COMP: variants seen among roughly 807,000 people sequenced by gnomAD.
COMP encodes the protein cartilage oligomeric matrix protein, also known as cartilage oligomeric matrix protein (pseudoachondroplasia, epiphyseal dysplasia 1, multiple).
COMP carries 79 observed loss-of-function variants against 95.8 expected under a neutral mutation model. That is an observed-to-expected ratio of 0.82 (90% CI 0.69 to 0.99). COMP has a LOEUF of 0.99. Ranked by LOEUF, COMP falls within the 50% of genes least tolerant of loss-of-function variation. COMP has a pLI of 0.00. For missense variants in COMP, 906 were observed against 1,076.1 expected (o/e 0.84, Z 2.21); for synonymous variants, 438 against 433.9 (o/e 1.01, Z -0.12).
Position 18,783,106 on chromosome 19 carries a change from G to A in COMP, c.2175C>T (p.Phe725=). The change falls in exon 18 of 19, where the codon TTC becomes TTT. Residue 725 remains phenylalanine, a synonymous_variant. Coordinates refer to ENST00000222271, the MANE Select transcript of COMP (RefSeq NM_000095.3). ...AGATGATGTTCTCCTGGGAGAAGCA[G>A]AAGACCCCCAGGCGGCCACCCCGCA... The part of the protein sequence containing the change: ...TTMRGGRLGV[F]CFSQENIIWA... 6.2e-7 allele frequency: 1 copy of A among 1,611,758 alleles called. No individual in the cohort carries two copies.
intron 11 of COMP, 56 bp from the exon 12 acceptor site, chr19:18,786,347 C>T (rs1032644784): frequency 1.5e-5 from 24 of 1,611,310 alleles, no homozygotes; most frequent in Non-Finnish European, 2.0e-5. Context: ...CAGAAAGCCT[C>T]CCACCCAACC....
rs778825368 is a variant in COMP, at chr19:18,789,248, G to A, written c.440C>T (p.Pro147Leu). ...FPRVRCINTSPGFRCEACPPG... is the reference protein window; with the variant it reads ...FPRVRCINTSLGFRCEACPPG... ...CGGGCAAGCCTCGCAGCGGAACCCC[G>A]GGCTGGTGTTGATACAGCGGACTCG... Residue 147 changes from proline to leucine, a missense_variant, in exon 5 of 19, where the codon CCG (proline) becomes CTG (leucine). Physicochemically the swap from Pro to Leu is moderately conservative, Grantham distance 98 (BLOSUM62 -3). Transcript: ENST00000222271. This position sits in a 1 kb window ranked among gnomAD's most constrained non-coding sequence, Gnocchi z 6.1. 12 of 1,525,562 alleles carry A rather than the reference G, an allele frequency of 7.9e-6. No individual in the cohort carries two copies. Among genetic ancestry groups the A allele is most frequent in the South Asian group, 1.3e-5 (1 of 74,840 alleles). 94.5% of individuals were successfully genotyped at this position (1,525,562 alleles called of 1,614,324 possible). A position where few individuals can be genotyped will look rare whatever the true frequency, so the allele number is the denominator to read the frequency against.
At chr19:18,785,937 C>G in intron 13 of COMP, 28 bp downstream of exon 13, 1 of 1,578,952 alleles carries the variant, frequency 6.3e-7, no homozygotes, top group Non-Finnish European at 8.6e-7. Context: ...TGGCCCCGCC[C>G]CCACCGCAGG....
chr19:18,788,163 A>G lies in COMP; in HGVS notation c.975+49T>C, dbSNP rs1289252652. ...GTGATCCGCCCGCCTCGGCCTCCCA[A>G]AGTGCTGGGATTACAGGAGTGAACC... On this transcript the variant is annotated intron_variant, in intron 9 of 18. Coordinates refer to ENST00000222271, the MANE Select transcript of COMP (RefSeq NM_000095.3). The surrounding 1 kb of genome is among the most constrained non-coding windows in gnomAD (Gnocchi z 4.7). The G allele has an allele frequency of 1.3e-6, 2 of 1,509,002 alleles. No individual in the cohort carries two copies. Among genetic ancestry groups the G allele is most frequent in the Non-Finnish European group, 1.8e-6 (2 of 1,088,366 alleles). 93.5% of individuals were successfully genotyped at this position (1,509,002 alleles called of 1,614,324 possible).
In COMP at chr19:18,784,303, C is replaced by T; in HGVS notation, c.1975G>A (p.Asp659Asn). ...AGCAGCCGCACCTGGGACTCTGTGTCTCCTGTATGCCACAGAGCGTTCCGC... is the reference window on the plus strand; with the variant it reads ...AGCAGCCGCACCTGGGACTCTGTGTTTCCTGTATGCCACAGAGCGTTCCGC... ...QLRNALWHTG[D>N]TESQVRLLWK... is the part of the protein sequence containing the mutation. The change falls in exon 17 of 19, where the codon GAC becomes AAC. Residue 659 changes from aspartate (D) to asparagine (N), a missense_variant. Coordinates refer to ENST00000222271, the MANE Select transcript of COMP (RefSeq NM_000095.3). This position sits in a 1 kb window ranked among gnomAD's most constrained non-coding sequence, Gnocchi z 4.9. 1 of 1,614,142 alleles carries T rather than the reference C, an allele frequency of 6.2e-7. No individual in the cohort carries two copies. The highest frequency in any genetic ancestry group is 8.5e-7 in the Non-Finnish European group (1 of 1,180,040).
chr19:18,783,075 T>G lies in COMP; in HGVS notation c.2206A>C (p.Asn736His). The change falls in exon 18 of 19, where the codon AAC (asparagine) becomes CAC (histidine). Residue 736 changes from asparagine (N) to histidine (H), a missense_variant. Asn to His is a moderately conservative substitution (Grantham distance 68). Coordinates refer to ENST00000222271, the MANE Select transcript of COMP (RefSeq NM_000095.3). The stretch of plus-strand genomic sequence containing the variant: ...TCACCATTGCAGCGGTAACGCAGGT[T>G]GGCCCAGATGATGTTCTCCTGGGAG... ...CFSQENIIWA[N>H]LRYRCNDTIP... The G allele has an allele frequency of 3.7e-6, 6 of 1,612,340 alleles. No homozygotes were observed. The highest frequency in any genetic ancestry group is 5.1e-6 in the Non-Finnish European group (6 of 1,179,984).
At position 18,789,889 on chromosome 19, in the gene COMP, T is replaced by C. The variant is rs888924901; in HGVS notation, c.390+53A>G. On this transcript the variant is annotated intron_variant, in intron 4 of 18. Coordinates refer to ENST00000222271, the MANE Select transcript of COMP (RefSeq NM_000095.3). This position sits in a 1 kb window ranked among gnomAD's most constrained non-coding sequence, Gnocchi z 6.1. ...AGGGGTCTCCCGGGCGGCGAGAGAT[T>C]GGGGGGCGGTAGAGGGAGTCGTCAG... 30 of 1,581,912 alleles carry C rather than the reference T, an allele frequency of 1.9e-5. No individual in the cohort carries two copies. The highest frequency in any genetic ancestry group is 2.5e-5 in the Non-Finnish European group (29 of 1,170,664).
At chr19:18,791,125 GC>G (rs1461885261) in intron 1 of COMP, 65 bp downstream of exon 1, 1 of 1,533,466 alleles carries the variant, frequency 6.5e-7, no homozygotes, top group East Asian at 2.4e-5. Context: ...TGGATCCCGG[GC>G]CTCTCACGGG....
chr19:18,784,844 G>C lies in COMP; in HGVS notation c.1914+52C>G. 1 of 1,593,136 alleles carries C rather than the reference G, an allele frequency of 6.3e-7. No homozygotes were observed. The highest frequency in any genetic ancestry group is 8.6e-7 in the Non-Finnish European group (1 of 1,165,906). On this transcript the variant is annotated intron_variant, in intron 16 of 18. Transcript: ENST00000222271. This position sits in a 1 kb window ranked among gnomAD's most constrained non-coding sequence, Gnocchi z 4.9. Reference sequence around the variant, plus strand: ...AGGGCTGTAAAGGGTTTTACGGAGGGTCATGGGAGGGCATGAGGACCGCAG... The same window carrying C: ...AGGGCTGTAAAGGGTTTTACGGAGGCTCATGGGAGGGCATGAGGACCGCAG...
intron 1 of COMP, 78 bp from the exon 2 acceptor site, chr19:18,791,013 C>G: frequency 6.5e-7 from 1 of 1,535,460 alleles, no homozygotes; most frequent in South Asian, 1.2e-5. Context: ...GCAGCGAACC[C>G]GGACCTCCGA....
chr19:18,786,174 C>T (rs1157925790), intron 12 of COMP, 28 bp from the exon 13 acceptor site: 2 of 1,614,014 alleles, frequency 1.2e-6, no homozygotes, highest in African/African-American at 2.7e-5. Context: ...GATCCAGAGA[C>T]AATGAGCTCT....
chr19:18,790,664 G>T (rs1568557476), intron 2 of COMP, 51 bp from the exon 3 acceptor site: 29 of 1,613,252 alleles, frequency 1.8e-5, no homozygotes, highest in Non-Finnish European at 2.5e-5. Flanking sequence ...CTCATCCCTC[G>T]GGTCTCCCCT....
intron 2 of COMP, 28 bp downstream of exon 2, chr19:18,790,822 C>A: frequency 6.4e-7 from 1 of 1,554,358 alleles, no homozygotes; most frequent in Non-Finnish European, 8.7e-7. Context: ...TTCCCTGGCA[C>A]TCCCTGCCCC....
rs2055201399 is a variant in COMP at position 18,790,111 on chromosome 19, A to C, written c.221T>G (p.Met74Arg). 6.5e-7 allele frequency: 1 copy of C among 1,530,578 alleles called. No individual in the cohort carries two copies. 94.8% of individuals were successfully genotyped at this position (1,530,578 alleles called of 1,614,324 possible). A position where few individuals can be genotyped will look rare whatever the true frequency, so the allele number is the denominator to read the frequency against. ...TAGGCCGGTGCGTACTGACTGCTGC[A>C]TCCCTGCGGGGGGGAGGGGGGAGAA... ...NTVMECDACG[M>R]QQSVRTGLPS... The change falls in exon 4 of 19, where the codon ATG becomes AGG. Residue 74 changes from methionine to arginine, a missense_variant. Coordinates refer to ENST00000222271, the MANE Select transcript of COMP (RefSeq NM_000095.3).
At chr19:18,783,223 G>T (rs778846513) in intron 17 of COMP, 30 bp from the exon 18 acceptor site, 2 of 1,603,058 alleles carry the variant, frequency 1.2e-6, no homozygotes, top group East Asian at 2.2e-5. Flanking sequence ...AGGCCTGGGG[G>T]ACCTGGGCCA....
At chr19:18,783,246 T>C in intron 17 of COMP, 53 bp from the exon 18 acceptor site, 7 of 1,591,608 alleles carry the variant, frequency 4.4e-6, no homozygotes, top group Non-Finnish European at 6.0e-6. Context: ...CCCTTCCCTC[T>C]CAGAGCTTCA....
At position 18,788,914 on chromosome 19, in the gene COMP, C is replaced by T. The variant is rs1246507258; in HGVS notation, c.529-1G>A. 6.2e-7 allele frequency: 1 copy of T among 1,613,372 alleles called. No homozygotes were observed. The highest frequency in any genetic ancestry group is 1.7e-4 in the Middle Eastern group (1 of 5,954). ...CACACTCGTTGATGTCCGTGCAAAC[C>T]TAGGGGAGGGGAACTCAGAGGTCAC... On this transcript the variant is annotated splice_acceptor_variant, in intron 5 of 18. Transcript: ENST00000222271. LOFTEE classifies it high-confidence loss of function. This position sits in a 1 kb window ranked among gnomAD's most constrained non-coding sequence, Gnocchi z 4.7.
In COMP at chr19:18,785,860, TG is replaced by T. The variant is rs1454335314; in HGVS notation, c.1490-10del. 1.9e-6 allele frequency: 3 copies of T among 1,610,288 alleles called. No individual in the cohort carries two copies. Among genetic ancestry groups the T allele is most frequent in the Middle Eastern group, 1.6e-4 (1 of 6,062 alleles). The stretch of plus-strand genomic sequence containing the variant: ...GTCGCCCACGCCGTCCCCTGAGAGG[TG>T]GGAGACCCCTCGGTGGGCTAAAGTC... On this transcript the variant is annotated splice_polypyrimidine_tract_variant and intron_variant, in intron 13 of 18. Coordinates refer to ENST00000222271, the MANE Select transcript of COMP (RefSeq NM_000095.3).
intron 10 of COMP, chr19:18,787,148 T>C (rs2055173266): frequency 2.3e-6 from 1 of 441,600 alleles, no homozygotes; most frequent in African/African-American, 2.0e-5. Flanking sequence ...CCAGGGTGGC[T>C]CAGCTGGGTG....
Sources: allele counts gnomAD v4.1 joint callset, GRCh38; gene constraint gnomAD v4.1.1; non-coding constraint Gnocchi (gnomAD v3.1); transcripts MANE v1.5; gene names NCBI Gene and HGNC (gene_info 2026-07-23, HGNC 2026-07-21).